The following CHRM3 variants were observed in gnomAD, a reference collection of about 807,000 sequenced individuals.
CHRM3 encodes the protein muscarinic acetylcholine receptor M3.
A neutral mutation model predicts 41.8 loss-of-function variants in CHRM3; 11 were observed. The ratio of observed to expected loss-of-function variants is 0.26; its 90% CI spans 0.17 to 0.44. CHRM3 has a LOEUF of 0.44. Ranked by LOEUF, CHRM3 falls within the 20% of genes least tolerant of loss-of-function variation. The probability of loss-of-function intolerance (pLI) is 1.00; values close to 1 mark genes in which losing one functional copy is unlikely to be tolerated. For synonymous variants in CHRM3, 297 were observed against 301.4 expected, an observed-to-expected ratio of 0.99 and a Z score of 0.15; for missense variants, 571 against 745.4, an observed-to-expected ratio of 0.77 and a Z score of 2.72.
chr1:239,729,215 AAAT>A (rs1229784192), intron 5 of CHRM3, among the ~76,000 whole-genome samples: 1 of 151,894 alleles, frequency 6.6e-6, no homozygotes, highest in Non-Finnish European at 1.5e-5. Flanking sequence ...GAGCAGTAAA[AAAT>A]AATAATAATT....
intron 5 of CHRM3, among the ~76,000 whole-genome samples, chr1:239,817,909 C>T (rs973135132): frequency 6.6e-6 from 1 of 152,154 alleles, no homozygotes; most frequent in Non-Finnish European, 1.5e-5. Flanking sequence ...TTTCCTGAGC[C>T]TGTTTCTACA....
intron 1 of CHRM3, among the ~76,000 whole-genome samples, chr1:239,445,308 C>T (rs904251907): frequency 2.0e-5 from 3 of 152,050 alleles, no homozygotes; most frequent in Non-Finnish European, 4.4e-5. Context: ...TTCTTAGCAC[C>T]CTCATGATTT....
intron 1 of CHRM3, among the ~76,000 whole-genome samples, chr1:239,410,659 T>A (rs992793928): frequency 6.6e-6 from 1 of 152,200 alleles, no homozygotes; most frequent in Non-Finnish European, 1.5e-5. Flanking sequence ...TTCTGCCCCG[T>A]GCCTTTGGCA....
chr1:239,448,299 A>G (rs1664299618), intron 1 of CHRM3, among the ~76,000 whole-genome samples: 1 of 152,164 alleles, frequency 6.6e-6, no homozygotes, highest in Non-Finnish European at 1.5e-5. Flanking sequence ...TCTGTAAGGG[A>G]GATGCAATAT....
chr1:239,877,776 T>C (rs180932666), intron 6 of CHRM3, among the ~76,000 whole-genome samples: 2 of 152,110 alleles, frequency 1.3e-5, no homozygotes, highest in Non-Finnish European at 2.9e-5. Flanking sequence ...CAGTCCCCTT[T>C]TGGCACCAGG....
At chr1:239,887,463 C>T (rs1205050872) in intron 6 of CHRM3, among the ~76,000 whole-genome samples, 1 of 152,146 alleles carries the variant, frequency 6.6e-6, no homozygotes, top group Non-Finnish European at 1.5e-5. Context: ...CTGACCTAGC[C>T]ACCCCCACCT....
intron 6 of CHRM3, among the ~76,000 whole-genome samples, chr1:239,870,202 G>T (rs1305972811): frequency 6.6e-6 from 1 of 152,144 alleles, no homozygotes; most frequent in Admixed American, 6.6e-5. Flanking sequence ...TTTATGCAAT[G>T]CTGACAAGGA....
At chr1:239,568,415 C>A (rs1253116830) in intron 3 of CHRM3, among the ~76,000 whole-genome samples, 5 of 152,110 alleles carry the variant, frequency 3.3e-5, no homozygotes, top group Non-Finnish European at 5.9e-5. Context: ...TTTTGTCTGC[C>A]ACCATGGAAG....
intron 1 of CHRM3, among the ~76,000 whole-genome samples, chr1:239,417,579 G>GTTTTTTTTT (rs34926014): frequency 2.4e-5 from 3 of 122,664 alleles, no homozygotes; most frequent in African/African-American, 6.1e-5. Flanking sequence ...AGATTAATTT[G>GTTTTTTTTT]TTTTTTTTTT....
chr1:239,807,818 GCACACACA>G (rs57650107), intron 5 of CHRM3, among the ~76,000 whole-genome samples: 175 of 148,486 alleles, frequency 1.2e-3, no homozygotes, highest in South Asian at 8.6e-3. Context: ...TTTGCTTTGC[GCACACACA>G]CACACACACA....
intron 5 of CHRM3, among the ~76,000 whole-genome samples, chr1:239,789,633 C>T (rs537132028): frequency 6.6e-6 from 1 of 152,134 alleles, no homozygotes; most frequent in Non-Finnish European, 1.5e-5. Flanking sequence ...GTGCCAGGCT[C>T]CTGTTAGCAA....
chr1:239,824,751 A>G (rs1308931013), intron 5 of CHRM3, among the ~76,000 whole-genome samples: 1 of 152,248 alleles, frequency 6.6e-6, no homozygotes, highest in Admixed American at 6.5e-5. Context: ...ATAAAAAGTT[A>G]TAGTAACATG....
intron 5 of CHRM3, among the ~76,000 whole-genome samples, chr1:239,712,018 T>C (rs1482900551): frequency 1.3e-5 from 2 of 152,136 alleles, no homozygotes; most frequent in African/African-American, 4.8e-5. Flanking sequence ...GATCTCAGCC[T>C]TTGCCTCTAG....
chr1:239,638,599 T>C (rs1459168796), intron 4 of CHRM3, among the ~76,000 whole-genome samples: 1 of 152,214 alleles, frequency 6.6e-6, no homozygotes, highest in Non-Finnish European at 1.5e-5. Context: ...CGCCCACTTT[T>C]TGATGGGGTT....
At chr1:239,899,439 A>T (rs1487546085) in intron 6 of CHRM3, among the ~76,000 whole-genome samples, 2 of 150,900 alleles carry the variant, frequency 1.3e-5, no homozygotes, top group Non-Finnish European at 2.9e-5. Context: ...ATACACATGT[A>T]TGTATATGAT....
chr1:239,408,736 C>A (rs1246443161), intron 1 of CHRM3, among the ~76,000 whole-genome samples: 1 of 151,754 alleles, frequency 6.6e-6, no homozygotes, highest in Non-Finnish European at 1.5e-5. Context: ...AGCCTGACCG[C>A]TCAGACTCCC....
intron 4 of CHRM3, among the ~76,000 whole-genome samples, chr1:239,668,568 T>C (rs1015084412): frequency 6.6e-6 from 1 of 152,210 alleles, no homozygotes; most frequent in African/African-American, 2.4e-5. Context: ...CAGGAAGATA[T>C]AGTTAAAATG....
At chr1:239,835,400 C>T (rs1212661552) in intron 6 of CHRM3, among the ~76,000 whole-genome samples, 1 of 152,130 alleles carries the variant, frequency 6.6e-6, no homozygotes, top group African/African-American at 2.4e-5. Context: ...TGAGTGCCCA[C>T]TACGTTCTCT....
At chr1:239,660,951 T>G (rs996812224) in intron 4 of CHRM3, among the ~76,000 whole-genome samples, 4 of 152,210 alleles carry the variant, frequency 2.6e-5, no homozygotes, top group African/African-American at 9.6e-5. Flanking sequence ...AAGCTCTATG[T>G]GTGCATTATT....
Sources: allele counts gnomAD v4.1 joint callset (sites outside exome capture counted in the v4.1 genomes callset), GRCh38; gene constraint gnomAD v4.1.1; transcripts MANE v1.5; gene names NCBI Gene and HGNC (gene_info 2026-07-23, HGNC 2026-07-21).